PLEKHH2: variants seen among roughly 807,000 people sequenced by gnomAD.
PLEKHH2 encodes the protein pleckstrin homology, MyTH4 and FERM domain containing H2.
A neutral mutation model predicts 187.9 loss-of-function variants in PLEKHH2; 129 were observed. That is an observed-to-expected ratio of 0.69 (90% CI 0.59 to 0.79). The LOEUF (loss-of-function observed/expected upper bound fraction) is 0.79. Among genes scored for constraint, PLEKHH2 ranks in the 30% least tolerant of loss-of-function variants. PLEKHH2 has a pLI of 0.00. For synonymous variants in PLEKHH2, 686 were observed against 605.6 expected, an observed-to-expected ratio of 1.13 and a Z score of -1.95; for missense variants, 2,076 against 1,751.2, an observed-to-expected ratio of 1.19 and a Z score of -3.31.
At chr2:43,761,924 C>T (rs143419122) in intron 27 of PLEKHH2, among the ~76,000 whole-genome samples, 2 of 152,170 alleles carry the variant, frequency 1.3e-5, no homozygotes, top group East Asian at 3.9e-4. Context: ...GTATATTTTG[C>T]TTCATTAGGA....
intron 2 of PLEKHH2, among the ~76,000 whole-genome samples, chr2:43,677,390 G>A (rs1392759350): frequency 6.6e-6 from 1 of 151,960 alleles, no homozygotes; most frequent in African/African-American, 2.4e-5. Context: ...ATTACGGAGT[G>A]GTGATGACTC....
chr2:43,681,057 T>G, intron 3 of PLEKHH2: 1 of 1,294,240 alleles, frequency 7.7e-7, no homozygotes, highest in Non-Finnish European at 1.1e-6. Context: ...TGTACCATTA[T>G]GATTCCAATC....
chr2:43,758,310 T>C lies in PLEKHH2; in HGVS notation c.3942-590T>C, dbSNP rs1262840444. Among the ~76,000 whole-genome samples the C allele has an allele frequency of 2.0e-5, 3 of 152,196 alleles. No individual in the cohort carries two copies. The East Asian group carries it at 5.8e-4, about 29-fold the overall frequency. ...CTCTGCCACCCAGGCTGTAGTGCAA[T>C]GGGGTGATCTCGGCTCGCTGCAACC... On this transcript the variant is annotated intron_variant, in intron 26 of 29. Transcript: ENST00000282406.
chr2:43,637,615 G>A (rs1217660367), intron 1 of PLEKHH2, among the ~76,000 whole-genome samples: 1 of 152,188 alleles, frequency 6.6e-6, no homozygotes, highest in Non-Finnish European at 1.5e-5. Context: ...GAGGTGGGCA[G>A]GGGGCGGTGG....
At chr2:43,709,251 T>A (rs1175183531) in intron 11 of PLEKHH2, among the ~76,000 whole-genome samples, 3 of 152,236 alleles carry the variant, frequency 2.0e-5, no homozygotes, top group Non-Finnish European at 4.4e-5. Context: ...CTTAGTAGCT[T>A]ATGGAACTTG....
intron 15 of PLEKHH2, among the ~76,000 whole-genome samples, chr2:43,719,463 C>T (rs756633171): frequency 1.3e-5 from 2 of 152,032 alleles, no homozygotes; most frequent in South Asian, 2.1e-4. Flanking sequence ...GTTTTTGAGA[C>T]GGAGCCTGCT....
chr2:43,656,180 C>T (rs1198595409), intron 2 of PLEKHH2, among the ~76,000 whole-genome samples: 1 of 152,162 alleles, frequency 6.6e-6, no homozygotes, highest in East Asian at 1.9e-4. Context: ...TGGTCTCGAA[C>T]TCCTGACCTC....
chr2:43,714,538 G>A (rs981156904), intron 15 of PLEKHH2, among the ~76,000 whole-genome samples: 3 of 152,156 alleles, frequency 2.0e-5, no homozygotes, highest in African/African-American at 7.2e-5. Flanking sequence ...ATACCTTGGA[G>A]GGGAGGAAGT....
chr2:43,681,330 C>T (rs891090699), intron 3 of PLEKHH2: 9 of 1,019,568 alleles, frequency 8.8e-6, no homozygotes, highest in African/African-American at 6.4e-5. Context: ...TTGGTGTTCT[C>T]AGCTCCATTG....
chr2:43,757,424 T>TTC (rs2104622376), intron 26 of PLEKHH2, among the ~76,000 whole-genome samples, 160 bp downstream of exon 26: 1 of 147,998 alleles, frequency 6.8e-6, no homozygotes, highest in Admixed American at 6.7e-5. Context: ...TTTTCTTTCT[T>TTC]TTTTTTTTTT....
intron 9 of PLEKHH2, among the ~76,000 whole-genome samples, chr2:43,705,370 C>T (rs1457980054): frequency 6.6e-6 from 1 of 150,920 alleles, no homozygotes; most frequent in Non-Finnish European, 1.5e-5. Flanking sequence ...ATCCTCCTGC[C>T]TCAGCCTCCT....
chr2:43,755,912 C>G (rs1246807296), intron 25 of PLEKHH2, among the ~76,000 whole-genome samples: 2 of 152,190 alleles, frequency 1.3e-5, no homozygotes, highest in Non-Finnish European at 2.9e-5. Context: ...GAAACTGGCA[C>G]AATGTCACCT....
chr2:43,728,904 A>C (rs1670906664), intron 17 of PLEKHH2, among the ~76,000 whole-genome samples: 1 of 152,186 alleles, frequency 6.6e-6, no homozygotes, highest in African/African-American at 2.4e-5. Flanking sequence ...GAAGTATTTT[A>C]AAGATGGAAA....
rs142188427 is a variant in PLEKHH2 at position 43,729,670 on chromosome 2, G to A, written c.2755G>A (p.Gly919Arg). ...TWLYHLTVAA[G>R]SNNVNVGSEF... ...GCTTTATCATCTGACTGTTGCAGCTGGAAGCAACAATGTAAACGTTGGATC... is the reference window on the plus strand; with the variant it reads ...GCTTTATCATCTGACTGTTGCAGCTAGAAGCAACAATGTAAACGTTGGATC... Residue 919 changes from glycine to arginine, a missense_variant, in exon 18 of 30, where the codon GGA becomes AGA. Transcript: ENST00000282406. The A allele has an allele frequency of 6.2e-7, 1 of 1,607,666 alleles. No individual in the cohort carries two copies. The highest frequency in any genetic ancestry group is 8.5e-7 in the Non-Finnish European group (1 of 1,177,680).
At chr2:43,696,764 G>A (rs926424429) in intron 6 of PLEKHH2, among the ~76,000 whole-genome samples, 4 of 152,196 alleles carry the variant, frequency 2.6e-5, no homozygotes, top group Admixed American at 1.3e-4. Context: ...CGGCAACCAG[G>A]ACCTCAGTTT....
At chr2:43,667,574 G>A (rs1353439312) in intron 2 of PLEKHH2, among the ~76,000 whole-genome samples, 2 of 152,132 alleles carry the variant, frequency 1.3e-5, no homozygotes, top group Admixed American at 6.5e-5. Context: ...ACACAATTTG[G>A]TATATCCGTA....
At chr2:43,698,711 G>A (rs749763958) in intron 7 of PLEKHH2, among the ~76,000 whole-genome samples, 6 of 152,078 alleles carry the variant, frequency 3.9e-5, no homozygotes, top group Non-Finnish European at 7.4e-5. Flanking sequence ...TCAGCCTCTA[G>A]TTCCTTAATT....
chr2:43,720,420 C>G (rs1486062299), intron 15 of PLEKHH2, among the ~76,000 whole-genome samples: 1 of 152,040 alleles, frequency 6.6e-6, no homozygotes, highest in Non-Finnish European at 1.5e-5. Context: ...CGATAGGTAG[C>G]TTTTTAACCC....
At chr2:43,741,116 C>A in intron 21 of PLEKHH2, 73 bp downstream of exon 21, 2 of 1,345,090 alleles carry the variant, frequency 1.5e-6, no homozygotes, top group East Asian at 2.4e-5. Context: ...AAGTATTTAA[C>A]GATCTGCCAG....
Sources: gnomAD v4.1 joint callset for allele counts (sites outside exome capture counted in the v4.1 genomes callset) on GRCh38, gnomAD v4.1.1 for gene constraint, MANE v1.5 for transcripts, NCBI Gene and HGNC (gene_info 2026-07-23, HGNC 2026-07-21) for gene names.